Variants in CLSTN3 observed in about 807,000 individuals in gnomAD.
The protein encoded by CLSTN3 is calsyntenin-3.
Under a neutral mutation model 95.9 loss-of-function variants are expected in CLSTN3, and 36 were observed. The ratio of observed to expected loss-of-function variants is 0.38; its 90% confidence interval spans 0.29 to 0.50. The LOEUF (loss-of-function observed/expected upper bound fraction) is 0.50. Ranked by LOEUF, CLSTN3 falls within the 20% of genes least tolerant of loss-of-function variation. CLSTN3 has a pLI of 0.95. For missense variants in CLSTN3, 1,084 were observed against 1,268.8 expected, an observed-to-expected ratio of 0.85 and a Z score of 2.21; for synonymous variants, 481 against 504.0, an observed-to-expected ratio of 0.95 and a Z score of 0.61.
rs1214010176 is a variant in CLSTN3, at chr12:7,143,109, T to A, written c.1699-54T>A. The A allele has an allele frequency of 1.9e-6, 3 of 1,598,596 alleles. No homozygotes were observed. The African/African-American group carries it at 4.0e-5, about 21-fold the overall frequency. On this transcript the variant is annotated intron_variant, in intron 11 of 17. Transcript: ENST00000266546. ...GCCCTACCCCTCTACCTCTGCTCCC[T>A]TCCTCTGCCACCTCCTGGCCCTGCT...
intron 16 of CLSTN3, among the ~76,000 whole-genome samples, chr12:7,154,487 G>A (rs994815830): frequency 4.6e-5 from 7 of 152,166 alleles, no homozygotes; most frequent in East Asian, 1.9e-4. Context: ...TTTGAGAACC[G>A]GGGGTAGATA....
rs1304375904 is a variant in CLSTN3 at position 7,157,409 on chromosome 12, C to G, written c.2528-80C>G. ...GGGAGTCCTTCAGCCCGGGCTGCCT[C>G]TTTTCCTACCCAGCCCCCTGTCCAA... is the stretch of plus-strand genomic sequence containing the variant. On this transcript the variant is annotated intron_variant, in intron 16 of 17. Coordinates refer to ENST00000266546, the MANE Select transcript of CLSTN3 (RefSeq NM_014718.4). This position sits in a 1 kb window ranked among gnomAD's most constrained non-coding sequence, Gnocchi z 5.9. 4 of 1,323,948 alleles carry G rather than the reference C, an allele frequency of 3.0e-6. No homozygotes were observed. The African/African-American group carries it at 5.9e-5, about 20-fold the overall frequency. 82.0% of individuals were successfully genotyped at this position (1,323,948 alleles called of 1,614,324 possible).
intron 12 of CLSTN3, 111 bp from the exon 13 acceptor site, chr12:7,148,861 A>T (rs976075556): frequency 2.2e-6 from 2 of 890,382 alleles, no homozygotes. Context: ...CCCCTTCCTG[A>T]CATGAGATGC....
intron 12 of CLSTN3, among the ~76,000 whole-genome samples, chr12:7,148,212 GAAAT>G (rs1407065642): frequency 1.5e-4 from 22 of 147,322 alleles, no homozygotes; most frequent in Non-Finnish European, 2.6e-4. Flanking sequence ...AAGAAAGAAA[GAAAT>G]GTGGGAAAAT....
chr12:7,157,852 A>T lies in CLSTN3; in HGVS notation c.2731-89A>T, dbSNP rs1939848564. ...CAGGGAAGGGGGTACACAGGGGTTA[A>T]GGGGACCGAGGGAAGTGTGGTCCCT... is the stretch of plus-strand genomic sequence containing the variant. On this transcript the variant is annotated intron_variant, in intron 17 of 17. Coordinates refer to ENST00000266546, the MANE Select transcript of CLSTN3 (RefSeq NM_014718.4). This position sits in a 1 kb window ranked among gnomAD's most constrained non-coding sequence, Gnocchi z 5.9. 1.3e-6 allele frequency: 2 copies of T among 1,524,248 alleles called. No homozygotes were observed. The highest frequency in any genetic ancestry group is 4.0e-5 in the Admixed American group (2 of 50,454). The allele number at this position is 1,524,248 out of a possible 1,614,324, so 94.4% of individuals were successfully genotyped here. A position where few individuals can be genotyped will look rare whatever the true frequency, so the allele number is the denominator to read the frequency against.
At position 7,157,639 on chromosome 12, in the gene CLSTN3, C is replaced by G; in HGVS notation, c.2678C>G (p.Pro893Arg). The G allele has an allele frequency of 6.2e-7, 1 of 1,608,676 alleles. No individual in the cohort carries two copies. The highest frequency in any genetic ancestry group is 8.5e-7 in the Non-Finnish European group (1 of 1,177,556). ...PPGASSDPKD[P>R]DLFWDDSALT... ...GGGGCCTCCAGTGACCCCAAGGACC[C>G]AGACCTCTTCTGGGATGACTCAGCT... The change falls in exon 17 of 18, where the codon CCA (proline) becomes CGA (arginine). Residue 893 changes from proline (P) to arginine (R), a missense_variant. Physicochemically the swap from Pro to Arg is moderately radical, Grantham distance 103. Transcript: ENST00000266546. This position sits in a 1 kb window ranked among gnomAD's most constrained non-coding sequence, Gnocchi z 5.9.
At position 7,150,751 on chromosome 12, in the gene CLSTN3, T is replaced by C; in HGVS notation, c.2391+62T>C. On this transcript the variant is annotated intron_variant, in intron 15 of 17. Transcript: ENST00000266546. This position sits in a 1 kb window ranked among gnomAD's most constrained non-coding sequence, Gnocchi z 4.0. ...CCCCCAGAAAGGAGCTGAGGTGGCA[T>C]GGACTCAAAATGTTAGTTGGTGGGC... 6.3e-7 allele frequency: 1 copy of C among 1,592,492 alleles called. No individual in the cohort carries two copies. Among genetic ancestry groups the C allele is most frequent in the South Asian group, 1.1e-5 (1 of 89,302 alleles).
rs956169685 is a variant in CLSTN3, at chr12:7,149,346, A to G, written c.2074+148A>G. The G allele has an allele frequency of 8.8e-6, 8 of 913,210 alleles. No homozygotes were observed. The highest frequency in any genetic ancestry group is 2.5e-5 in the Admixed American group (1 of 39,624). The allele number at this position is 913,210 out of a possible 1,614,324, so 56.6% of individuals were successfully genotyped here. A position where few individuals can be genotyped will look rare whatever the true frequency, so the allele number is the denominator to read the frequency against. On this transcript the variant is annotated intron_variant, in intron 13 of 17. Coordinates refer to ENST00000266546, the MANE Select transcript of CLSTN3 (RefSeq NM_014718.4). The surrounding 1 kb of genome is among the most constrained non-coding windows in gnomAD (Gnocchi z 4.5). Reference sequence around the variant, plus strand: ...CAACTTACCTTTAAGAAGGAGAGCAAGTGGAAAACACGTGGGTGGAAATGA... The same window carrying G: ...CAACTTACCTTTAAGAAGGAGAGCAGGTGGAAAACACGTGGGTGGAAATGA...
At position 7,143,163 on chromosome 12, in the gene CLSTN3, G is replaced by C; in HGVS notation, c.1699G>C (p.Val567Leu). The part of the protein sequence containing the change: ...DFESLGKGMK[V>L]HVNPSQSLLT... ...AGCTGTATCTGTGTCTGGGGCCCAG[G>C]TCCACGTGAACCCCTCACAGTCCCT... Residue 567 changes from valine to leucine, a missense_variant and splice_region_variant, in exon 12 of 18, where the codon GTC (valine) becomes CTC (leucine). Physicochemically the swap from Val to Leu is conservative, Grantham distance 32. Transcript: ENST00000266546. 6.2e-7 allele frequency: 1 copy of C among 1,612,802 alleles called. No individual in the cohort carries two copies. Among genetic ancestry groups the C allele is most frequent in the Non-Finnish European group, 8.5e-7 (1 of 1,179,202 alleles).
intron 6 of CLSTN3, among the ~76,000 whole-genome samples, 168 bp from the exon 7 acceptor site, chr12:7,136,661 A>G (rs1939429127): frequency 6.6e-6 from 1 of 152,234 alleles, no homozygotes. Context: ...CTGGAGAGAT[A>G]CTCTTAGAAG....
intron 10 of CLSTN3, 105 bp from the exon 11 acceptor site, chr12:7,142,764 C>A (rs1178114877): frequency 1.9e-4 from 73 of 387,724 alleles, no homozygotes; most frequent in Non-Finnish European, 2.5e-4. Context: ...TTTTTTCTTT[C>A]TCAACTCTTC....
At chr12:7,147,022 A>G (rs1939631464) in intron 12 of CLSTN3, among the ~76,000 whole-genome samples, 1 of 151,470 alleles carries the variant, frequency 6.6e-6, no homozygotes, top group South Asian at 2.1e-4. Flanking sequence ...CTCCCTTTTT[A>G]CTCCAGCATT....
chr12:7,154,823 A>G (rs1939788332), intron 16 of CLSTN3, among the ~76,000 whole-genome samples: 1 of 152,216 alleles, frequency 6.6e-6, no homozygotes, highest in Non-Finnish European at 1.5e-5. Context: ...AGTAAGGAGG[A>G]ACAGGTAATG....
At chr12:7,143,962 G>A (rs113504974) in intron 12 of CLSTN3, among the ~76,000 whole-genome samples, 2,685 of 152,250 alleles carry the variant, frequency 0.018, 76 homozygotes, top group African/African-American at 0.06. Flanking sequence ...GGCCGGGCAC[G>A]GTGGCTCACG....
Position 7,137,274 on chromosome 12 carries a change from A to C in CLSTN3, c.1210+164A>C. The C allele has an allele frequency of 3.0e-6, 2 of 664,276 alleles. No individual in the cohort carries two copies. Among genetic ancestry groups the C allele is most frequent in the South Asian group, 1.9e-5 (1 of 51,458 alleles). 41.1% of individuals were successfully genotyped at this position (664,276 alleles called of 1,614,324 possible). A position where few individuals can be genotyped will look rare whatever the true frequency, so the allele number is the denominator to read the frequency against. On this transcript the variant is annotated intron_variant, in intron 7 of 17. Transcript: ENST00000266546. The surrounding 1 kb of genome is among the most constrained non-coding windows in gnomAD (Gnocchi z 4.4). ...CTTGATTCTGTGCTTTATCCCCAACATGACATGTTGGATCGTACTGCTGTC... is the reference window on the plus strand; with the variant it reads ...CTTGATTCTGTGCTTTATCCCCAACCTGACATGTTGGATCGTACTGCTGTC...
intron 1 of CLSTN3, chr12:7,131,738 C>T: frequency 2.2e-6 from 1 of 450,622 alleles, no homozygotes; most frequent in South Asian, 1.6e-5. Flanking sequence ...TCTCTGACCT[C>T]AGCCTCGCCT....
At chr12:7,156,920 C>G (rs1266564162) in intron 16 of CLSTN3, 1 of 443,778 alleles carries the variant, frequency 2.3e-6, no homozygotes, top group African/African-American at 2.0e-5. Flanking sequence ...ACGGAGTGAG[C>G]TCAGTCCAGG....
Position 7,143,289 on chromosome 12 carries a change from C to T in CLSTN3, c.1825C>T (p.Leu609=), listed in dbSNP as rs1330476002. 1 of 1,610,428 alleles carries T rather than the reference C, an allele frequency of 6.2e-7. No individual in the cohort carries two copies. Among genetic ancestry groups the T allele is most frequent in the Admixed American group, 1.7e-5 (1 of 60,020 alleles). ...CTTTGCCACGCCCGGCGTCAGGCCC[C>T]TGCGCCTCACCACTGCTGTCAAGTG... is the stretch of plus-strand genomic sequence containing the variant. ...LRFATPGVRP[L]RLTTAVKCFS... The change falls in exon 12 of 18, where the codon CTG becomes TTG. Residue 609 remains leucine (L), a synonymous_variant. Transcript: ENST00000266546.
chr12:7,133,001 T>G lies in CLSTN3; in HGVS notation c.65-23T>G. On this transcript the variant is annotated intron_variant, in intron 1 of 17. Transcript: ENST00000266546. This position sits in a 1 kb window ranked among gnomAD's most constrained non-coding sequence, Gnocchi z 4.7. ...AGGCCCTGCTCACAGGTGCTTCCTC[T>G]CCTCTCCCTGGGGTGGGGCCAGCCA... The G allele has an allele frequency of 1.2e-6, 2 of 1,612,462 alleles. No homozygotes were observed. Among genetic ancestry groups the G allele is most frequent in the Non-Finnish European group, 1.7e-6 (2 of 1,179,310 alleles).
Sources: allele counts gnomAD v4.1 joint callset (sites outside exome capture counted in the v4.1 genomes callset), GRCh38; gene constraint gnomAD v4.1.1; non-coding constraint Gnocchi (gnomAD v3.1); transcripts MANE v1.5; gene names NCBI Gene and HGNC (gene_info 2026-07-23, HGNC 2026-07-21).